The following NARS2 variants were observed in gnomAD, a reference collection of about 807,000 sequenced individuals.
NARS2 encodes the protein asparaginyl-tRNA synthetase.
Under a neutral mutation model 62.9 loss-of-function variants are expected in NARS2, and 60 were observed. The observed-to-expected ratio is 0.95, with a 90% confidence interval of 0.77 to 1.18. The LOEUF (loss-of-function observed/expected upper bound fraction) is 1.18, where lower values mean the gene tolerates loss of function less well. NARS2 is among the 50% of genes most tolerant of loss of function. The probability of loss-of-function intolerance (pLI) is 0.00; values close to 1 mark genes in which losing one functional copy is unlikely to be tolerated. For synonymous variants in NARS2, 196 were observed against 200.0 expected (o/e 0.98, Z 0.17); for missense variants, 619 against 576.4 (o/e 1.07, Z -0.76).
chr11:78,445,517 A>G (rs536164859), intron 11 of NARS2, among the ~76,000 whole-genome samples: 1 of 152,286 alleles, frequency 6.6e-6, no homozygotes, highest in Non-Finnish European at 1.5e-5. Context: ...GCTGTTCTGG[A>G]GGCTGAGGCA....
chr11:78,542,066 G>A (rs959599778), intron 5 of NARS2, among the ~76,000 whole-genome samples: 3 of 152,146 alleles, frequency 2.0e-5, no homozygotes, highest in African/African-American at 4.8e-5. Flanking sequence ...GGTGTACACA[G>A]AACTGCTAGT....
intron 6 of NARS2, among the ~76,000 whole-genome samples, chr11:78,517,989 T>A (rs1286047887): frequency 2.0e-5 from 3 of 152,204 alleles, no homozygotes; most frequent in Non-Finnish European, 2.9e-5. Flanking sequence ...ATAATTTCCA[T>A]GAAGTAAAAG....
intron 6 of NARS2, among the ~76,000 whole-genome samples, chr11:78,521,411 G>C (rs1263951852): frequency 6.6e-6 from 1 of 152,060 alleles, no homozygotes; most frequent in African/African-American, 2.4e-5. Flanking sequence ...GGCTTCAAGT[G>C]ATCCTCCTGC....
At chr11:78,477,615 T>C (rs1859157048) in intron 9 of NARS2, among the ~76,000 whole-genome samples, 1 of 152,204 alleles carries the variant, frequency 6.6e-6, no homozygotes, top group South Asian at 2.1e-4. Context: ...CAAATAGTAT[T>C]CTGAATGCTT....
chr11:78,521,430 CT>C (rs1861117014), intron 6 of NARS2, among the ~76,000 whole-genome samples: 1 of 152,140 alleles, frequency 6.6e-6, no homozygotes, highest in Non-Finnish European at 1.5e-5. Flanking sequence ...GCCTCAGCCT[CT>C]CAAAGTGTTG....
At chr11:78,543,685 A>C (rs927769309) in intron 5 of NARS2, among the ~76,000 whole-genome samples, 4 of 152,150 alleles carry the variant, frequency 2.6e-5, no homozygotes, top group Admixed American at 6.6e-5. Flanking sequence ...AACAAAAACA[A>C]AAAACATGTA....
At chr11:78,462,996 T>C (rs1003122699) in intron 11 of NARS2, among the ~76,000 whole-genome samples, 1 of 152,236 alleles carries the variant, frequency 6.6e-6, no homozygotes, top group Non-Finnish European at 1.5e-5. Context: ...ATATTACATA[T>C]ATAACTATTC....
At chr11:78,501,425 G>T (rs1860278857) in intron 6 of NARS2, among the ~76,000 whole-genome samples, 1 of 152,206 alleles carries the variant, frequency 6.6e-6, no homozygotes, top group Admixed American at 6.5e-5. Flanking sequence ...CCCCTGAGAG[G>T]ATGTGAAGCC....
At chr11:78,520,655 G>A (rs1014633859) in intron 6 of NARS2, among the ~76,000 whole-genome samples, 4 of 152,088 alleles carry the variant, frequency 2.6e-5, no homozygotes, top group African/African-American at 7.2e-5. Context: ...TATATATGGG[G>A]TTTTGGTGTT....
At chr11:78,476,906 T>C (rs1236347735) in intron 9 of NARS2, among the ~76,000 whole-genome samples, 1 of 152,220 alleles carries the variant, frequency 6.6e-6, no homozygotes, top group Admixed American at 6.5e-5. Flanking sequence ...AAGTCTGAGC[T>C]TTGAAATCAG....
intron 11 of NARS2, among the ~76,000 whole-genome samples, chr11:78,459,619 C>T (rs1322638214): frequency 6.6e-6 from 1 of 152,156 alleles, no homozygotes. Context: ...CTCTCATTCT[C>T]TCTTGCTGCT....
At chr11:78,538,838 A>C (rs1855489977) in intron 5 of NARS2, among the ~76,000 whole-genome samples, 1 of 151,018 alleles carries the variant, frequency 6.6e-6, no homozygotes, top group Non-Finnish European at 1.5e-5. Context: ...TACTAAAAAT[A>C]CAAAAAATTA....
intron 5 of NARS2, chr11:78,555,374 G>A (rs954824995): frequency 6.6e-6 from 1 of 152,082 alleles, no homozygotes; most frequent in African/African-American, 2.4e-5. Context: ...TTTTTGGTTG[G>A]TAGACTATTT....
intron 11 of NARS2, among the ~76,000 whole-genome samples, chr11:78,458,941 T>TG (rs1371827862): frequency 2.0e-5 from 3 of 151,550 alleles, no homozygotes; most frequent in African/African-American, 7.3e-5. Context: ...TTTTTTGAGA[T>TG]GGAGTCTCGC....
intron 11 of NARS2, among the ~76,000 whole-genome samples, chr11:78,457,724 T>C (rs1438029893): frequency 1.3e-5 from 2 of 152,066 alleles, no homozygotes; most frequent in Admixed American, 6.6e-5. Context: ...CCCAGTACTG[T>C]TGAAGGTAAG....
At chr11:78,466,479 TG>T (rs1179555444) in intron 10 of NARS2, among the ~76,000 whole-genome samples, 2 of 152,056 alleles carry the variant, frequency 1.3e-5, no homozygotes, top group Admixed American at 6.5e-5. Flanking sequence ...TGACTTCTCT[TG>T]GTGACTTTTG....
intron 5 of NARS2, among the ~76,000 whole-genome samples, chr11:78,545,593 C>T (rs1024887455): frequency 4.1e-5 from 6 of 145,440 alleles, no homozygotes; most frequent in Admixed American, 1.4e-4. Context: ...GGTGTGATCT[C>T]GGCTCACTGC....
chr11:78,556,118 G>A (rs1186556523), intron 5 of NARS2, among the ~76,000 whole-genome samples: 3 of 152,052 alleles, frequency 2.0e-5, no homozygotes, highest in Non-Finnish European at 2.9e-5. Context: ...TTTAGAGTAG[G>A]TGCCACGTGA....
chr11:78,436,744 G>A lies in NARS2; in HGVS notation c.1360C>T (p.Gln454Ter). The change falls in exon 14 of 14, where the codon CAG becomes TAG. Residue 454 changes from glutamine (Q) to a stop codon, truncating the protein, a stop_gained. Transcript: ENST00000281038. LOFTEE classifies it high-confidence loss of function. ...ATATTGTCAACACCCAAGATGCACT[G>A]CAGGTAGCGTTCAAATCCCATCCCA... ...GFGMGFERYL[Q>*]CILGVDNIKD... The A allele has an allele frequency of 6.2e-7, 1 of 1,614,092 alleles. No individual in the cohort carries two copies.
Sources: allele counts gnomAD v4.1 joint callset (sites outside exome capture counted in the v4.1 genomes callset), GRCh38; gene constraint gnomAD v4.1.1; transcripts MANE v1.5; gene names NCBI Gene and HGNC (gene_info 2026-07-23, HGNC 2026-07-21).